TJP2: variants seen among roughly 807,000 people sequenced by gnomAD.
TJP2 encodes tight junction protein 2.
TJP2 carries 91 observed loss-of-function variants against 133.1 expected under a neutral mutation model. The observed-to-expected ratio is 0.68, with a 90% CI of 0.58 to 0.81. TJP2 has a LOEUF of 0.81. Among genes scored for constraint, TJP2 ranks in the 40% least tolerant of loss-of-function variants. The probability of loss-of-function intolerance (pLI) is 0.00; values close to 1 mark genes in which losing one functional copy is unlikely to be tolerated. For synonymous variants in TJP2, 592 were observed against 583.4 expected (o/e 1.01, Z -0.21); for missense variants, 1,541 against 1,565.6 (o/e 0.98, Z 0.26).
intron 21 of TJP2, among the ~76,000 whole-genome samples, chr9:69,251,992 T>C (rs1301339834): frequency 6.7e-6 from 1 of 149,024 alleles, no homozygotes; most frequent in African/African-American, 2.4e-5. Context: ...TTATTTATTT[T>C]GTTTTGTTTT....
At chr9:69,179,340 A>C (rs1241883387) in intron 1 of TJP2, among the ~76,000 whole-genome samples, 1 of 152,204 alleles carries the variant, frequency 6.6e-6, no homozygotes, top group Non-Finnish European at 1.5e-5. Flanking sequence ...ACACCATTGT[A>C]TATTGCAGAC....
rs1380471018 is a variant in TJP2, at chr9:69,125,652, C to T, written c.-131+3927C>T. ...TAGGTTTGGGGGTCACTAGAATAAA[C>T]ACATGCACACACACACACTCGAATG... On this transcript the variant is annotated intron_variant, in intron 1 of 5. Transcript: ENST00000423935. Among the ~76,000 whole-genome samples, 6 of 76,552 alleles carry T rather than the reference C, an allele frequency of 7.8e-5. 2 individuals are homozygous for T. The East Asian group carries it at 2.3e-3, about 30-fold the overall frequency. The allele number at this position is 76,552 out of a possible 152,430, so 50.2% of individuals were successfully genotyped here.
intron 22 of TJP2, chr9:69,253,433 A>C (rs1831484682): frequency 6.4e-6 from 1 of 155,774 alleles, no homozygotes; most frequent in South Asian, 2.0e-4. Context: ...AATAGAAAAA[A>C]AAAAGTCACA....
intron 1 of TJP2, among the ~76,000 whole-genome samples, chr9:69,129,009 A>G (rs1564365793): frequency 6.6e-6 from 1 of 152,236 alleles, no homozygotes. Context: ...CTCTGGGCCT[A>G]GTGTAATACC....
chr9:69,171,961 A>C (rs1183802620), upstream of TJP2, among the ~76,000 whole-genome samples: 1 of 151,906 alleles, frequency 6.6e-6, no homozygotes, highest in African/African-American at 2.4e-5. Context: ...ACGCCCAGCT[A>C]ATTTTTGTTA....
chr9:69,237,184 C>T (rs1830251451), intron 14 of TJP2, 48 bp downstream of exon 14: 1 of 1,602,992 alleles, frequency 6.2e-7, no homozygotes, highest in African/African-American at 1.3e-5. Flanking sequence ...GGGCTCTGAG[C>T]CTGTTCACCT....
At chr9:69,235,458 G>A (rs2133378570) in intron 12 of TJP2, among the ~76,000 whole-genome samples, 1 of 152,056 alleles carries the variant, frequency 6.6e-6, no homozygotes, top group African/African-American at 2.4e-5. Context: ...GAGTAGCTGG[G>A]ACTACAGGCG....
chr9:69,168,104 G>A (rs1587952102), intron 2 of TJP2, among the ~76,000 whole-genome samples: 1 of 152,308 alleles, frequency 6.6e-6, no homozygotes, highest in African/African-American at 2.4e-5. Context: ...ACTTATGAGT[G>A]ATCCACTGAA....
Position 69,151,691 on chromosome 9 carries a change from G to A in TJP2, c.-90G>A, listed in dbSNP as rs1320753213. The A allele has an allele frequency of 8.1e-6, 10 of 1,231,968 alleles. No homozygotes were observed. The Admixed American group carries it at 1.3e-4, about 16-fold the overall frequency. The allele number at this position is 1,231,968 out of a possible 1,614,324, so 76.3% of individuals were successfully genotyped here. On this transcript the variant is annotated 5_prime_UTR_variant, in exon 2 of 6. Transcript: ENST00000423935. ...ATTACTGTCATCTCCCTGTGAGTGGGATTGGCACCCCGGCTGCAGCTCCAG... is the reference window on the plus strand; with the variant it reads ...ATTACTGTCATCTCCCTGTGAGTGGAATTGGCACCCCGGCTGCAGCTCCAG...
chr9:69,246,023 A>G (rs911723085), intron 17 of TJP2, among the ~76,000 whole-genome samples: 1 of 152,200 alleles, frequency 6.6e-6, no homozygotes, highest in Non-Finnish European at 1.5e-5. Context: ...CTAAACGTGC[A>G]GGGTTTTTTT....
At chr9:69,151,514 C>A (rs1823478661) in intron 1 of TJP2, 3 of 811,344 alleles carry the variant, frequency 3.7e-6, no homozygotes, top group Admixed American at 4.4e-5. Context: ...GTGACAGTTG[C>A]ATAACTCTGT....
chr9:69,244,953 T>C (rs897554097), intron 17 of TJP2, among the ~76,000 whole-genome samples: 3 of 152,346 alleles, frequency 2.0e-5, no homozygotes, highest in Non-Finnish European at 2.9e-5. Context: ...ACCATACTTA[T>C]CTCAGACAGC....
chr9:69,147,925 CT>C (rs71951691), intron 1 of TJP2, among the ~76,000 whole-genome samples: 12,425 of 143,578 alleles, frequency 0.087, 636 homozygotes, highest in East Asian at 0.24. Context: ...TCACTGATCA[CT>C]TTTTTTTTTT....
chr9:69,234,390 CTT>C, intron 11 of TJP2, 47 bp from the exon 12 acceptor site: 1 of 1,328,650 alleles, frequency 7.5e-7, no homozygotes, highest in East Asian at 2.3e-5. Context: ...TTCTTTCTTT[CTT>C]TCTTTCTTTT....
At chr9:69,182,788 C>CTTT (rs35602682) in intron 1 of TJP2, among the ~76,000 whole-genome samples, 14 of 129,416 alleles carry the variant, frequency 1.1e-4, no homozygotes, top group Admixed American at 1.7e-4. Flanking sequence ...TGATGAATTT[C>CTTT]TTTTTTTTTT....
chr9:69,194,940 C>T (rs1202671967), intron 1 of TJP2, among the ~76,000 whole-genome samples: 1 of 152,198 alleles, frequency 6.6e-6, no homozygotes, highest in Admixed American at 6.5e-5. Flanking sequence ...TGTAGGCTCA[C>T]TGGCTTTATG....
chr9:69,157,726 T>G (rs1048384647), intron 2 of TJP2, among the ~76,000 whole-genome samples: 2 of 152,180 alleles, frequency 1.3e-5, no homozygotes, highest in African/African-American at 2.4e-5. Context: ...CCCAAAGTGC[T>G]GGGATTACAG....
intron 1 of TJP2, among the ~76,000 whole-genome samples, chr9:69,174,821 T>C (rs1478093996): frequency 6.6e-6 from 1 of 152,154 alleles, no homozygotes; most frequent in South Asian, 2.1e-4. Context: ...GTTACAGGCT[T>C]GTGTACGTGA....
chr9:69,221,449 G>A lies in TJP2; in HGVS notation c.905G>A (p.Arg302Gln), dbSNP rs1392203089. The part of the protein sequence containing the change: ...SRSPSPEPRG[R>Q]PGPIGVLLMK... ...AGCCCCAGCCCCGAGCCTAGGGGGC[G>A]GCCGGGGCCCATCGGGGTCCTCCTG... The change falls in exon 5 of 23, where the codon CGG becomes CAG. Residue 302 changes from arginine (R) to glutamine (Q), a missense_variant. Coordinates refer to ENST00000377245, the MANE Select transcript of TJP2 (RefSeq NM_004817.4). 1.9e-6 allele frequency: 3 copies of A among 1,596,148 alleles called. No individual in the cohort carries two copies. Among genetic ancestry groups the A allele is most frequent in the East Asian group, 4.5e-5 (2 of 44,164 alleles).
Sources: gnomAD v4.1 joint callset for allele counts (sites outside exome capture counted in the v4.1 genomes callset) on GRCh38, gnomAD v4.1.1 for gene constraint, MANE v1.5 for transcripts, NCBI Gene and HGNC (gene_info 2026-07-23, HGNC 2026-07-21) for gene names.